Variants in CNTLN observed in about 807,000 individuals in gnomAD.
CNTLN encodes the protein centlein, centrosomal protein.
Under a neutral mutation model 180.0 loss-of-function variants are expected in CNTLN, and 212 were observed. The ratio of observed to expected loss-of-function variants is 1.18; its 90% CI spans 1.05 to 1.32. CNTLN has a LOEUF of 1.32. Among genes scored for constraint, CNTLN ranks in the 40% most tolerant of loss-of-function variants. The pLI, the probability that CNTLN is intolerant of heterozygous loss-of-function variation, is 0.00. For synonymous variants in CNTLN, 722 were observed against 563.1 expected (o/e 1.28, Z -3.99); for missense variants, 2,095 against 1,610.9 (o/e 1.30, Z -5.14).
intron 6 of CNTLN, among the ~76,000 whole-genome samples, chr9:17,296,951 A>G (rs1271941095): frequency 5.9e-5 from 9 of 152,296 alleles, no homozygotes; most frequent in Non-Finnish European, 1.0e-4. Flanking sequence ...CTTTTAAGAC[A>G]TTTTATGTGA....
At position 17,394,760 on chromosome 9, in the gene CNTLN, C is replaced by T. The variant is rs1402204736; in HGVS notation, c.2306C>T (p.Thr769Ile). The T allele has an allele frequency of 6.2e-6, 10 of 1,613,870 alleles. No homozygotes were observed. Among genetic ancestry groups the T allele is most frequent in the Non-Finnish European group, 7.6e-6 (9 of 1,179,966 alleles). The part of the protein sequence containing the change: ...ELQVKISELE[T>I]EVTSLRRQVA... ...CAAGTAAAAATCAGTGAGCTGGAGA[C>T]AGAAGTCACTTCCCTGAGGAGACAA... The change falls in exon 15 of 26, where the codon ACA (threonine) becomes ATA (isoleucine). Residue 769 changes from threonine (T) to isoleucine (I), a missense_variant. Transcript: ENST00000380647.
intron 12 of CNTLN, among the ~76,000 whole-genome samples, chr9:17,350,424 A>G (rs1438945740): frequency 1.3e-5 from 2 of 152,118 alleles, no homozygotes; most frequent in Non-Finnish European, 2.9e-5. Flanking sequence ...AAATAATGTT[A>G]CCCCTTTTAT....
At chr9:17,486,687 T>G (rs569713493) in intron 24 of CNTLN, among the ~76,000 whole-genome samples, 15 of 152,216 alleles carry the variant, frequency 9.9e-5, no homozygotes, top group African/African-American at 3.4e-4. Context: ...CTCCATCTGA[T>G]TTTTCACTTT....
intron 2 of CNTLN, among the ~76,000 whole-genome samples, chr9:17,177,260 T>G (rs978612279): frequency 3.3e-5 from 5 of 152,058 alleles, no homozygotes; most frequent in South Asian, 4.2e-4. Context: ...ATACAAAAAA[T>G]TAGCCTGGCG....
intron 6 of CNTLN, among the ~76,000 whole-genome samples, 191 bp from the exon 7 acceptor site, chr9:17,297,999 T>A (rs993755770): frequency 5.3e-5 from 8 of 152,338 alleles, no homozygotes; most frequent in African/African-American, 1.9e-4. Context: ...TCATAGTCGT[T>A]GTATCAATAC....
At chr9:17,353,089 A>G (rs10120757) in intron 12 of CNTLN, among the ~76,000 whole-genome samples, 90,113 of 151,154 alleles carry the variant, frequency 0.6, 27,053 homozygotes, top group East Asian at 0.73. Flanking sequence ...GAGTGGAATC[A>G]CTGGGCCACA....
intron 2 of CNTLN, among the ~76,000 whole-genome samples, chr9:17,221,225 A>G (rs1354897944): frequency 6.6e-6 from 1 of 152,124 alleles, no homozygotes; most frequent in African/African-American, 2.4e-5. Flanking sequence ...GAGATAATAT[A>G]TTAGTGACAA....
chr9:17,201,949 C>G (rs1332950431), intron 2 of CNTLN, among the ~76,000 whole-genome samples: 1 of 152,038 alleles, frequency 6.6e-6, no homozygotes, highest in Non-Finnish European at 1.5e-5. Flanking sequence ...TTAGATCTTT[C>G]CAGCTTTCTG....
chr9:17,439,029 A>G (rs755838777), intron 18 of CNTLN, among the ~76,000 whole-genome samples: 2 of 152,186 alleles, frequency 1.3e-5, no homozygotes, highest in African/African-American at 2.4e-5. Flanking sequence ...GAATCAGTTC[A>G]TGGGAGGAAT....
chr9:17,163,510 A>G (rs1235388082), intron 2 of CNTLN, among the ~76,000 whole-genome samples: 2 of 152,156 alleles, frequency 1.3e-5, no homozygotes, highest in African/African-American at 4.8e-5. Flanking sequence ...CAGCATTTAT[A>G]TTTCATTGTA....
intron 6 of CNTLN, among the ~76,000 whole-genome samples, chr9:17,288,405 G>T (rs574479954): frequency 1.1e-4 from 15 of 140,962 alleles, no homozygotes; most frequent in African/African-American, 4.0e-4. Context: ...TTTTACATTT[G>T]CTGAGGAGAA....
chr9:17,211,517 A>T (rs1252877715), intron 2 of CNTLN, among the ~76,000 whole-genome samples: 1 of 152,338 alleles, frequency 6.6e-6, no homozygotes, highest in Admixed American at 6.5e-5. Flanking sequence ...CTTTTGGCTT[A>T]GGATTGTCTT....
intron 18 of CNTLN, among the ~76,000 whole-genome samples, chr9:17,429,484 G>C (rs1829285871): frequency 6.6e-6 from 1 of 152,014 alleles, no homozygotes; most frequent in African/African-American, 2.4e-5. Flanking sequence ...AAGTATTTGA[G>C]TATGTATTTA....
At chr9:17,441,080 T>TA (rs1392666010) in intron 18 of CNTLN, among the ~76,000 whole-genome samples, 2 of 152,100 alleles carry the variant, frequency 1.3e-5, no homozygotes, top group Non-Finnish European at 2.9e-5. Flanking sequence ...CTTTAAAAGA[T>TA]AAAAACGTGC....
chr9:17,475,254 T>C (rs1379472906), intron 23 of CNTLN, among the ~76,000 whole-genome samples: 2 of 149,100 alleles, frequency 1.3e-5, no homozygotes, highest in Non-Finnish European at 2.9e-5. Flanking sequence ...TAAATCATTA[T>C]TGACCTTAAC....
intron 7 of CNTLN, among the ~76,000 whole-genome samples, chr9:17,304,109 A>G (rs1362611497): frequency 6.6e-6 from 1 of 152,124 alleles, no homozygotes; most frequent in Non-Finnish European, 1.5e-5. Context: ...CCCAGGTGGT[A>G]GGATGTGGGA....
chr9:17,423,076 T>A (rs1828834715), intron 18 of CNTLN, among the ~76,000 whole-genome samples: 1 of 151,898 alleles, frequency 6.6e-6, no homozygotes, highest in Admixed American at 6.6e-5. Flanking sequence ...ACAAAAGGAG[T>A]CTCTCCTTCC....
At chr9:17,278,989 G>A (rs1315944293) in intron 6 of CNTLN, among the ~76,000 whole-genome samples, 2 of 151,446 alleles carry the variant, frequency 1.3e-5, no homozygotes, top group Non-Finnish European at 1.5e-5. Context: ...GTGAAATTGA[G>A]GAGATTATTA....
rs1042181580 is a variant in CNTLN at position 17,256,632 on chromosome 9, T to C, written c.850-17101T>C. On this transcript the variant is annotated intron_variant, in intron 5 of 25. Coordinates refer to ENST00000380647, the MANE Select transcript of CNTLN (RefSeq NM_017738.4). ...TCTAGAATCATGCAGCAACTCATTC[T>C]GTAAGGCAGAATGTGTATTCAAATG... is the stretch of plus-strand genomic sequence containing the variant. Among the ~76,000 whole-genome samples the C allele has an allele frequency of 2.0e-5, 3 of 151,864 alleles. 1 individual carries two copies. The highest frequency in any genetic ancestry group is 4.4e-5 in the Non-Finnish European group (3 of 67,904).
Sources: allele counts gnomAD v4.1 joint callset (sites outside exome capture counted in the v4.1 genomes callset), GRCh38; gene constraint gnomAD v4.1.1; transcripts MANE v1.5; gene names NCBI Gene and HGNC (gene_info 2026-07-23, HGNC 2026-07-21).